ELP1: variants seen among roughly 807,000 people sequenced by gnomAD.
ELP1 encodes the protein elongator acetyltransferase complex subunit 1.
Under a neutral mutation model 183.2 loss-of-function variants are expected in ELP1, and 131 were observed. That is an observed-to-expected ratio of 0.72 (90% CI 0.62 to 0.83). The LOEUF is 0.83. Ranked by LOEUF, ELP1 falls within the 40% of genes least tolerant of loss-of-function variation. ELP1 has a pLI of 0.00. For missense variants in ELP1, 1,550 were observed against 1,594.9 expected (o/e 0.97, Z 0.48); for synonymous variants, 555 against 569.0 (o/e 0.98, Z 0.35).
rs770370611 is a variant in ELP1, at chr9:108,901,633, T to C, written c.1903A>G (p.Ile635Val). 13 of 1,614,008 alleles carry C rather than the reference T, an allele frequency of 8.1e-6. No homozygotes were observed. The South Asian group carries it at 1.1e-4, about 14-fold the overall frequency. Residue 635 changes from isoleucine to valine, a missense_variant, in exon 17 of 37, where the codon ATT (isoleucine) becomes GTT (valine). Transcript: ENST00000374647. ...ACCAAACCAAGCCTTGATACCTCAA[T>C]GTCATTGATGAAAAAGCGACACCTG... ...TDRCRFFIND[I>V]EVASNITSFA...
At chr9:108,931,270 G>T in intron 1 of ELP1, 69 bp from the exon 2 acceptor site, 2 of 1,010,650 alleles carry the variant, frequency 2.0e-6, no homozygotes, top group South Asian at 1.3e-5. Context: ...GATTCAGGGG[G>T]TGAAGAAGTG....
intron 5 of ELP1, among the ~76,000 whole-genome samples, chr9:108,924,251 A>G (rs764517592): frequency 4.6e-5 from 7 of 152,180 alleles, no homozygotes; most frequent in Non-Finnish European, 8.8e-5. Context: ...TAACTTTCAC[A>G]CCTCAACATT....
Position 108,926,859 on chromosome 9 carries a change from CA to C in ELP1, c.386-257del, listed in dbSNP as rs146499806. ...CTTAAAAGTCCACAAAGCCCTCCTC[CA>C]CTAACTTCAACACTCCTTGTCCCCA... is the stretch of plus-strand genomic sequence containing the variant. On this transcript the variant is annotated intron_variant, in intron 4 of 36. Coordinates refer to ENST00000374647, the MANE Select transcript of ELP1 (RefSeq NM_003640.5). Among the ~76,000 whole-genome samples, 118 of 152,280 alleles carry C rather than the reference CA, an allele frequency of 7.7e-4. 1 individual carries two copies. The South Asian group carries it at 9.7e-3, about 13-fold the overall frequency.
chr9:108,867,861 G>A lies in ELP1; in HGVS notation c.*1254C>T, dbSNP rs879924643. 6.6e-6 allele frequency: 1 copy of A among 152,186 alleles called. No individual in the cohort carries two copies. The highest frequency in any genetic ancestry group is 1.9e-4 in the East Asian group (1 of 5,202). 9.4% of individuals were successfully genotyped at this position (152,186 alleles called of 1,614,324 possible). On this transcript the variant is annotated 3_prime_UTR_variant, in exon 37 of 37. Transcript: ENST00000374647. The stretch of plus-strand genomic sequence containing the variant: ...TTAACATCTTGCTATACTGGGAAAG[G>A]CTTCTTAAATTACAATTTTGGCTAT...
intron 33 of ELP1, among the ~76,000 whole-genome samples, chr9:108,879,124 T>C (rs1301573928): frequency 6.6e-6 from 1 of 152,206 alleles, no homozygotes; most frequent in Non-Finnish European, 1.5e-5. Flanking sequence ...TATCTTTTCA[T>C]TTTTTCAGTG....
chr9:108,898,049 T>C (rs1256046431), intron 22 of ELP1, among the ~76,000 whole-genome samples: 1 of 152,206 alleles, frequency 6.6e-6, no homozygotes, highest in Non-Finnish European at 1.5e-5. Flanking sequence ...AGATGAATGA[T>C]GGATGGACAG....
At position 108,925,701 on chromosome 9, in the gene ELP1, C is replaced by T. The variant is rs1829803085; in HGVS notation, c.466+822G>A. ...CATCATGTCATTACTGTGCTGATACCACCAAGCCCAGCTAATTTTTAAATT... is the reference window on the plus strand; with the variant it reads ...CATCATGTCATTACTGTGCTGATACTACCAAGCCCAGCTAATTTTTAAATT... On this transcript the variant is annotated intron_variant, in intron 5 of 36. Transcript: ENST00000374647. Among the ~76,000 whole-genome samples, 6 of 152,254 alleles carry T rather than the reference C, an allele frequency of 3.9e-5. No individual in the cohort carries two copies. The South Asian group carries it at 1.2e-3, about 32-fold the overall frequency.
chr9:108,930,748 A>G (rs546429796), intron 2 of ELP1, among the ~76,000 whole-genome samples: 66 of 152,072 alleles, frequency 4.3e-4, no homozygotes, highest in African/African-American at 1.5e-3. Context: ...CAAAGAGGGT[A>G]AAAAGTACGG....
At chr9:108,870,416 G>T (rs755540182) in intron 36 of ELP1, among the ~76,000 whole-genome samples, 2 of 152,116 alleles carry the variant, frequency 1.3e-5, no homozygotes, top group African/African-American at 2.4e-5. Context: ...CTAGAGAAAA[G>T]AAAATATTAA....
intron 10 of ELP1, 77 bp from the exon 11 acceptor site, chr9:108,912,571 G>T: frequency 9.8e-7 from 1 of 1,021,212 alleles, no homozygotes; most frequent in Non-Finnish European, 1.5e-6. Context: ...GGGTTCAAGG[G>T]CAATCTTTTC....
chr9:108,931,621 T>A (rs1297240802), intron 1 of ELP1, among the ~76,000 whole-genome samples: 1 of 152,256 alleles, frequency 6.6e-6, no homozygotes, highest in Non-Finnish European at 1.5e-5. Context: ...TCCATTTTTA[T>A]ATACTGGCAG....
chr9:108,927,740 T>C (rs1032412721), intron 3 of ELP1, among the ~76,000 whole-genome samples: 6 of 152,178 alleles, frequency 3.9e-5, no homozygotes, highest in African/African-American at 1.4e-4. Context: ...TGCAACAACA[T>C]AGATGGAACT....
intron 26 of ELP1, among the ~76,000 whole-genome samples, chr9:108,893,658 A>G (rs1828426779): frequency 6.6e-6 from 1 of 152,186 alleles, no homozygotes; most frequent in Admixed American, 6.5e-5. Flanking sequence ...ACTGACAACC[A>G]ATTTTGATTC....
At chr9:108,930,948 GA>G (rs748582337) in intron 2 of ELP1, 48 bp downstream of exon 2, 20 of 1,590,336 alleles carry the variant, frequency 1.3e-5, no homozygotes, top group Middle Eastern at 1.7e-4. Flanking sequence ...TGGAAGAAGA[GA>G]AATCAAGGGT....
At position 108,879,574 on chromosome 9, in the gene ELP1, A is replaced by G; in HGVS notation, c.3461-17T>C. The G allele has an allele frequency of 6.3e-7, 1 of 1,582,176 alleles. No homozygotes were observed. The highest frequency in any genetic ancestry group is 8.7e-7 in the Non-Finnish European group (1 of 1,151,266). On this transcript the variant is annotated splice_polypyrimidine_tract_variant and intron_variant, in intron 32 of 36. Coordinates refer to ENST00000374647, the MANE Select transcript of ELP1 (RefSeq NM_003640.5). ...CCTCATCATCTAGAAAAGAAGAACC[A>G]GAAGCCGATGAAAACACTGCCTGCT...
intron 29 of ELP1, among the ~76,000 whole-genome samples, chr9:108,887,621 T>G (rs1219274885): frequency 2.6e-5 from 4 of 152,206 alleles, no homozygotes; most frequent in African/African-American, 9.6e-5. Context: ...ACTCTAGCCC[T>G]GGCCAATACC....
chr9:108,891,920 G>A (rs1010322186), intron 27 of ELP1, among the ~76,000 whole-genome samples: 1 of 152,178 alleles, frequency 6.6e-6, no homozygotes, highest in Non-Finnish European at 1.5e-5. Context: ...GCAGGAATGT[G>A]TATAGCAGGT....
intron 3 of ELP1, among the ~76,000 whole-genome samples, chr9:108,928,447 G>A (rs1016565560): frequency 8.5e-5 from 13 of 152,160 alleles, no homozygotes; most frequent in Non-Finnish European, 4.4e-5. Flanking sequence ...GTGTTTCAAA[G>A]AGTGGTAATA....
intron 36 of ELP1, among the ~76,000 whole-genome samples, chr9:108,874,470 A>G (rs907035845): frequency 9.2e-5 from 14 of 152,344 alleles, no homozygotes; most frequent in Admixed American, 9.1e-4. Context: ...AATCCTAAAC[A>G]TAATAAAAAG....
Sources: allele counts gnomAD v4.1 joint callset (sites outside exome capture counted in the v4.1 genomes callset), GRCh38; gene constraint gnomAD v4.1.1; transcripts MANE v1.5; gene names NCBI Gene and HGNC (gene_info 2026-07-23, HGNC 2026-07-21).